SPEF2: variants seen among roughly 807,000 people sequenced by gnomAD.
The protein encoded by SPEF2 is sperm flagellar and cilia associated 2.
In SPEF2, 187 loss-of-function variants were observed where a neutral mutation model predicts 224.6. The observed-to-expected ratio is 0.83, with a 90% CI of 0.74 to 0.94. SPEF2 has a LOEUF of 0.94. Among genes scored for constraint, SPEF2 ranks in the 40% least tolerant of loss-of-function variants. The probability of loss-of-function intolerance (pLI) is 0.00; values close to 1 mark genes in which losing one functional copy is unlikely to be tolerated. For synonymous variants in SPEF2, 715 were observed against 707.3 expected, an observed-to-expected ratio of 1.01 and a Z score of -0.17; for missense variants, 2,170 against 2,135.6, an observed-to-expected ratio of 1.02 and a Z score of -0.32.
In SPEF2 at chr5:35,792,322, T is replaced by G. The variant is rs1756082776; in HGVS notation, c.4448-18T>G. ...ATCACCTAAACCAAGTGACAAAATATTTTTCATTGTATTATAGGCATAATA... is the reference window on the plus strand; with the variant it reads ...ATCACCTAAACCAAGTGACAAAATAGTTTTCATTGTATTATAGGCATAATA... On this transcript the variant is annotated intron_variant, in intron 30 of 36. Transcript: ENST00000356031. 1.9e-6 allele frequency: 3 copies of G among 1,590,932 alleles called. No individual in the cohort carries two copies. Among genetic ancestry groups the G allele is most frequent in the Non-Finnish European group, 2.6e-6 (3 of 1,166,590 alleles).
chr5:35,769,807 G>C (rs1278257807), intron 26 of SPEF2, among the ~76,000 whole-genome samples: 1 of 152,078 alleles, frequency 6.6e-6, no homozygotes, highest in Non-Finnish European at 1.5e-5. Context: ...GTCTTTGAGG[G>C]TAGAGATTAT....
chr5:35,786,738 A>G (rs1418139022), intron 30 of SPEF2, among the ~76,000 whole-genome samples: 1 of 152,200 alleles, frequency 6.6e-6, no homozygotes, highest in Admixed American at 6.5e-5. Context: ...ACTAATGTCA[A>G]GGTTTTCAGT....
At chr5:35,737,038 A>G (rs529783533) in intron 21 of SPEF2, among the ~76,000 whole-genome samples, 28 of 152,314 alleles carry the variant, frequency 1.8e-4, no homozygotes, top group African/African-American at 6.7e-4. Flanking sequence ...CTTCAGGATC[A>G]TACTGATAAA....
intron 2 of SPEF2, among the ~76,000 whole-genome samples, chr5:35,637,519 T>C (rs1474931889): frequency 6.6e-6 from 1 of 152,154 alleles, no homozygotes; most frequent in Non-Finnish European, 1.5e-5. Context: ...ATGCTAGAGG[T>C]GAATTATTCT....
chr5:35,804,607 C>T lies in SPEF2; in HGVS notation c.5011-2100C>T, dbSNP rs145589089. On this transcript the variant is annotated intron_variant, in intron 34 of 36. Coordinates refer to ENST00000356031, the MANE Select transcript of SPEF2 (RefSeq NM_024867.4). ...CCACTAAGCCTATTCTATACCAACC[C>T]CCTAGAGATCAAAAATAGCAAACAT... is the stretch of plus-strand genomic sequence containing the variant. Among the ~76,000 whole-genome samples, 506 of 152,186 alleles carry T rather than the reference C, an allele frequency of 3.3e-3. 15 individuals carry two copies. The East Asian group carries it at 0.047, about 14-fold the overall frequency.
Position 35,649,384 on chromosome 5 carries a change from G to T in SPEF2, c.750G>T (p.Lys250Asn). 6.2e-7 allele frequency: 1 copy of T among 1,612,242 alleles called. No individual in the cohort carries two copies. The highest frequency in any genetic ancestry group is 1.3e-5 in the African/African-American group (1 of 74,970). Residue 250 changes from lysine (K) to asparagine (N), a missense_variant, in exon 6 of 37, where the codon AAG (lysine) becomes AAT (asparagine). By Grantham distance (94) the Lys-to-Asn change is moderately conservative (BLOSUM62 0). Coordinates refer to ENST00000356031, the MANE Select transcript of SPEF2 (RefSeq NM_024867.4). ...EAEDVADEIK[K>N]FEALIKKDLQ... ...AGGATGTGGCTGATGAAATTAAGAAGTTCGAAGCATTAATAAAAAAGGATC... is the reference window on the plus strand; with the variant it reads ...AGGATGTGGCTGATGAAATTAAGAATTTCGAAGCATTAATAAAAAAGGATC...
intron 20 of SPEF2, among the ~76,000 whole-genome samples, chr5:35,713,641 C>T (rs1179466707): frequency 2.0e-5 from 3 of 150,090 alleles, no homozygotes; most frequent in South Asian, 4.2e-4. Flanking sequence ...GAGGCTGAGG[C>T]AGGAGAATCC....
intron 23 of SPEF2, among the ~76,000 whole-genome samples, chr5:35,745,678 G>A (rs1327636253): frequency 2.0e-5 from 3 of 152,170 alleles, no homozygotes; most frequent in African/African-American, 2.4e-5. Flanking sequence ...ACCCACCCAA[G>A]GAGAATCTGA....
At chr5:35,796,407 C>T (rs180712207) in intron 33 of SPEF2, among the ~76,000 whole-genome samples, 1 of 151,908 alleles carries the variant, frequency 6.6e-6, no homozygotes, top group Admixed American at 6.6e-5. Flanking sequence ...GTCAGGAGAT[C>T]GAGACCATCC....
chr5:35,779,942 C>A (rs1438673280), intron 30 of SPEF2, among the ~76,000 whole-genome samples: 15 of 152,152 alleles, frequency 9.9e-5, no homozygotes, highest in Non-Finnish European at 2.2e-4. Flanking sequence ...TTTTATTCAG[C>A]CTTTTCCTAC....
At chr5:35,782,636 C>T (rs928840042) in intron 30 of SPEF2, among the ~76,000 whole-genome samples, 2 of 151,924 alleles carry the variant, frequency 1.3e-5, no homozygotes, top group Non-Finnish European at 2.9e-5. Context: ...AGAACAATGA[C>T]TGAATGCTTT....
Position 35,641,656 on chromosome 5 carries a change from A to G in SPEF2, c.387A>G (p.Gln129=), listed in dbSNP as rs747741470. The G allele has an allele frequency of 1.9e-6, 3 of 1,613,330 alleles. No homozygotes were observed. Among genetic ancestry groups the G allele is most frequent in the Admixed American group, 1.7e-5 (1 of 59,898 alleles). ...AACGTCTGACAAATTTAAGACTTCA[A>G]AACATGAAAAGTGATACTTTTCAAG... The part of the protein sequence containing the change: ...TMQRLTNLRL[Q]NMKSDTFQER... Residue 129 remains glutamine, a synonymous_variant, in exon 3 of 37, where the codon CAA becomes CAG. Coordinates refer to ENST00000356031, the MANE Select transcript of SPEF2 (RefSeq NM_024867.4).
intron 20 of SPEF2, among the ~76,000 whole-genome samples, chr5:35,713,905 GTAT>G (rs370372931): frequency 3.4e-4 from 1 of 2,956 alleles, no homozygotes; most frequent in African/African-American, 7.2e-4. Context: ...GTTATATATA[GTAT>G]TATATATTTT....
intron 7 of SPEF2, among the ~76,000 whole-genome samples, chr5:35,655,237 G>GT (rs1456571367): frequency 1.3e-5 from 2 of 152,292 alleles, no homozygotes; most frequent in East Asian, 3.9e-4. Flanking sequence ...CCCCAGACCA[G>GT]ACCTGAAACT....
intron 34 of SPEF2, among the ~76,000 whole-genome samples, chr5:35,801,869 T>C (rs1757471422): frequency 6.6e-6 from 1 of 152,208 alleles, no homozygotes. Context: ...TCTGTTTTGT[T>C]CTGCATCCCT....
chr5:35,618,412 C>A (rs868358653), intron 1 of SPEF2, among the ~76,000 whole-genome samples: 2 of 152,146 alleles, frequency 1.3e-5, no homozygotes, highest in Non-Finnish European at 2.9e-5. Flanking sequence ...GGAGAGGGAA[C>A]TTTGCTGGAC....
chr5:35,771,812 A>G, intron 27 of SPEF2, 56 bp downstream of exon 27: 9 of 1,542,288 alleles, frequency 5.8e-6, no homozygotes, highest in Non-Finnish European at 7.8e-6. Flanking sequence ...CCTTCGTAGA[A>G]AACGAGCATT....
In SPEF2 at chr5:35,814,541, GGAAAA is replaced by G. The variant is rs746421214; in HGVS notation, c.5462_5466del (p.Lys1821MetfsTer?). On this transcript the variant is annotated frameshift_variant, in exon 37 of 37. Coordinates refer to ENST00000356031, the MANE Select transcript of SPEF2 (RefSeq NM_024867.4). LOFTEE classifies it high-confidence loss of function. ...AGAGATCACCTTCAAGACATACAGAGGAAAAGAAATGAAGACAAAAGAGTGTGATT... is the reference window on the plus strand; with the variant it reads ...AGAGATCACCTTCAAGACATACAGAGGAAATGAAGACAAAAGAGTGTGATT... 6.2e-7 allele frequency: 1 copy of G among 1,602,026 alleles called. No individual in the cohort carries two copies. The highest frequency in any genetic ancestry group is 1.1e-5 in the South Asian group (1 of 88,960).
intron 19 of SPEF2, chr5:35,709,376 A>G: frequency 8.1e-7 from 1 of 1,240,602 alleles, no homozygotes. Context: ...GTAAGACCAC[A>G]GACGAGAAGA....
Sources: gnomAD v4.1 joint callset for allele counts (sites outside exome capture counted in the v4.1 genomes callset) on GRCh38, gnomAD v4.1.1 for gene constraint, MANE v1.5 for transcripts, NCBI Gene and HGNC (gene_info 2026-07-23, HGNC 2026-07-21) for gene names.